Variants in ARMCX2 observed in about 807,000 individuals in gnomAD.
The protein encoded by ARMCX2 is armadillo repeat containing X-linked 2, also known as armadillo repeat-containing X-linked protein 2.
ARMCX2 carries 2 observed loss-of-function variants against 17.0 expected under a neutral mutation model. The ratio of observed to expected loss-of-function variants is 0.12; its 90% confidence interval spans 0.05 to 0.37. ARMCX2 has a LOEUF of 0.37. Ranked by LOEUF, ARMCX2 falls within the 10% of genes least tolerant of loss-of-function variation. The pLI, the probability that ARMCX2 is intolerant of heterozygous loss-of-function variation, is 1.00. For synonymous variants in ARMCX2, 182 were observed against 195.2 expected (o/e 0.93, Z 0.57); for missense variants, 408 against 497.7 (o/e 0.82, Z 1.72).
intron 3 of ARMCX2, among the ~76,000 whole-genome samples, chrX:101,658,864 G>A (rs1206368569): frequency 5.4e-5 from 6 of 111,126 alleles, no homozygotes; most frequent in Middle Eastern, 4.3e-3. Context: ...CGGTATGGGG[G>A]ACTCCTGCCA....
rs1336572327 is a variant in ARMCX2 at position 101,657,648 on chromosome X, GATGCC to G, written c.-65_-61del. ...GGAACTGGATTGCTTAAGGTTAAGG[GATGCC>G]TGCTCGTCCGGGTGAGGCTCTTCAG... On this transcript the variant is annotated 5_prime_UTR_variant, in exon 6 of 6. Transcript: ENST00000356824. The G allele has an allele frequency of 3.7e-6, 4 of 1,094,466 alleles. No homozygotes were observed. The highest frequency in any genetic ancestry group is 5.0e-6 in the Non-Finnish European group (4 of 806,064). The allele number at this position is 1,094,466 out of a possible 1,213,427, so 90.2% of individuals were successfully genotyped here. A position where few individuals can be genotyped will look rare whatever the true frequency, so the allele number is the denominator to read the frequency against.
chrX:101,657,762 G>T (rs937623134), intron 5 of ARMCX2, 47 bp from the exon 6 acceptor site: 4 of 450,750 alleles, frequency 8.9e-6, no homozygotes, highest in African/African-American at 2.4e-5. Flanking sequence ...GGCTCACTTC[G>T]TGTCTAACCA....
At position 101,657,071 on chromosome X, in the gene ARMCX2, G is replaced by T; in HGVS notation, c.518C>A (p.Ser173Tyr). The change falls in exon 6 of 6, where the codon TCC (serine) becomes TAC (tyrosine). Residue 173 changes from serine (S) to tyrosine (Y), a missense_variant. By Grantham distance (144) the Ser-to-Tyr change is moderately radical (BLOSUM62 -2). Around this residue, in one of 2 missense-constraint regions of ARMCX2, gnomAD observed 307 missense variants for 326.8 expected, o/e 0.94. Coordinates refer to ENST00000356824, the MANE Select transcript of ARMCX2 (RefSeq NM_177949.4). ...TGTCCCAGGAGGCACCGCTGCCCTG[G>T]AAGTCTCCGCTTCTCTGGGAGCTTC... ...VAEAPREAET[S>Y]RAAVPPGTVV... 8.3e-7 allele frequency: 1 copy of T among 1,201,811 alleles called. No homozygotes were observed. Among genetic ancestry groups the T allele is most frequent in the Non-Finnish European group, 1.1e-6 (1 of 888,981 alleles).
Position 101,656,511 on chromosome X carries a change from G to A in ARMCX2, c.1078C>T (p.Arg360Cys), listed in dbSNP as rs782417544. 4.1e-6 allele frequency: 5 copies of A among 1,207,581 alleles called. No homozygotes were observed. The highest frequency in any genetic ancestry group is 1.8e-5 in the South Asian group (1 of 56,561). ...SDSDSEPETQ[R>C]RGRGRRPVAM... Reference sequence around the variant, plus strand: ...ACGGGTCTTCTTCCCCTCCCTCTGCGCTGGGTCTCGGGCTCAGAGTCTGAA... The same window carrying A: ...ACGGGTCTTCTTCCCCTCCCTCTGCACTGGGTCTCGGGCTCAGAGTCTGAA... The change falls in exon 6 of 6, where the codon CGC (arginine) becomes TGC (cysteine). Residue 360 changes from arginine (R) to cysteine (C), a missense_variant. Around this residue, in one of 2 missense-constraint regions of ARMCX2, gnomAD observed 307 missense variants for 326.8 expected, o/e 0.94. Coordinates refer to ENST00000356824, the MANE Select transcript of ARMCX2 (RefSeq NM_177949.4).
Position 101,657,089 on chromosome X carries a change from G to T in ARMCX2, c.500C>A (p.Pro167His). Residue 167 changes from proline to histidine, a missense_variant, in exon 6 of 6, where the codon CCC (proline) becomes CAC (histidine). Pro to His is a moderately conservative substitution (Grantham distance 77, BLOSUM62 -2). This residue lies in a region of ARMCX2 where 307 missense variants were observed against 326.8 expected (regional missense o/e 0.94). Coordinates refer to ENST00000356824, the MANE Select transcript of ARMCX2 (RefSeq NM_177949.4). The part of the protein sequence containing the change: ...MAGAPKVAEA[P>H]REAETSRAAV... ...TGCCCTGGAAGTCTCCGCTTCTCTG[G>T]GAGCTTCTGCCACTTTGGGAGCCCC... The T allele has an allele frequency of 8.3e-7, 1 of 1,198,158 alleles. No homozygotes were observed. Among genetic ancestry groups the T allele is most frequent in the South Asian group, 1.8e-5 (1 of 55,614 alleles).
rs1556069624 is a variant in ARMCX2 at position 101,657,403 on chromosome X, T to C, written c.186A>G (p.Thr62=). ...RARAGLRAGF[T]IDLGSGFSPP... Reference sequence around the variant, plus strand: ...GACTGAATCCTGACCCAAGGTCGATTGTGAATCCGGCTCTTAGCCCAGCTC... The same window carrying C: ...GACTGAATCCTGACCCAAGGTCGATCGTGAATCCGGCTCTTAGCCCAGCTC... Residue 62 remains threonine, a synonymous_variant, in exon 6 of 6, where the codon ACA becomes ACG. Coordinates refer to ENST00000356824, the MANE Select transcript of ARMCX2 (RefSeq NM_177949.4). 8.3e-7 allele frequency: 1 copy of C among 1,210,890 alleles called. No homozygotes were observed. Among genetic ancestry groups the C allele is most frequent in the South Asian group, 1.8e-5 (1 of 56,888 alleles).
In ARMCX2 at chrX:101,657,602, T is replaced by G. The variant is rs2147395002; in HGVS notation, c.-14A>C. 1 of 1,194,565 alleles carries G rather than the reference T, an allele frequency of 8.4e-7. No homozygotes were observed. Among genetic ancestry groups the G allele is most frequent in the African/African-American group, 1.8e-5 (1 of 56,941 alleles). On this transcript the variant is annotated 5_prime_UTR_variant, in exon 6 of 6. Transcript: ENST00000356824. Reference sequence around the variant, plus strand: ...AACGCGGCTCATGGTGCAGCTGGGGTTATTCACTGATCCAGGGCGTGGAAC... The same window carrying G: ...AACGCGGCTCATGGTGCAGCTGGGGGTATTCACTGATCCAGGGCGTGGAAC...
intron 5 of ARMCX2, 130 bp downstream of exon 5, chrX:101,657,943 G>A (rs1280719605): frequency 1.0e-5 from 2 of 190,717 alleles, no homozygotes; most frequent in East Asian, 1.0e-4. Context: ...CTAAATGGAA[G>A]GACGAGAGGC....
chrX:101,656,516 G>A lies in ARMCX2; in HGVS notation c.1073C>T (p.Thr358Ile), dbSNP rs782001571. Residue 358 changes from threonine to isoleucine, a missense_variant, in exon 6 of 6, where the codon ACC (threonine) becomes ATC (isoleucine). Coordinates refer to ENST00000356824, the MANE Select transcript of ARMCX2 (RefSeq NM_177949.4). ...TESDSDSEPE[T>I]QRRGRGRRPV... ...TCTTCTTCCCCTCCCTCTGCGCTGG[G>A]TCTCGGGCTCAGAGTCTGAATCTGA... The A allele has an allele frequency of 2.5e-6, 3 of 1,210,302 alleles. No homozygotes were observed. In the Admixed American group the frequency reaches 6.5e-5, roughly 26 times the overall value.
At chrX:101,657,771 C>G in intron 5 of ARMCX2, 56 bp from the exon 6 acceptor site, 1 of 438,107 alleles carries the variant, frequency 2.3e-6, no homozygotes, top group Non-Finnish European at 4.0e-6. Flanking sequence ...CGTGTCTAAC[C>G]AGTTCTACTT....
At position 101,657,108 on chromosome X, in the gene ARMCX2, G is replaced by T; in HGVS notation, c.481C>A (p.Pro161Thr). ...TCTCTGGGAGCTTCTGCCACTTTGGGAGCCCCTGCCATTGCAGGGGCTTCT... is the reference window on the plus strand; with the variant it reads ...TCTCTGGGAGCTTCTGCCACTTTGGTAGCCCCTGCCATTGCAGGGGCTTCT... ...AAEAPAMAGA[P>T]KVAEAPREAE... Residue 161 changes from proline (P) to threonine (T), a missense_variant, in exon 6 of 6, where the codon CCC becomes ACC. By Grantham distance (38) the Pro-to-Thr change is conservative. Around this residue, in one of 2 missense-constraint regions of ARMCX2, gnomAD observed 307 missense variants for 326.8 expected, o/e 0.94. Transcript: ENST00000356824. The T allele has an allele frequency of 8.4e-7, 1 of 1,194,295 alleles. No homozygotes were observed. Among genetic ancestry groups the T allele is most frequent in the Non-Finnish European group, 1.1e-6 (1 of 886,999 alleles).
Position 101,656,665 on chromosome X carries a change from C to T in ARMCX2, c.924G>A (p.Gly308=). 2.5e-6 allele frequency: 3 copies of T among 1,210,943 alleles called. No individual in the cohort carries two copies. Among genetic ancestry groups the T allele is most frequent in the Admixed American group, 2.2e-5 (1 of 46,004 alleles). The part of the protein sequence containing the change: ...KKSKVEVDEL[G]MGFRPGDGAA... ...CCCCATCTCCAGGACGGAAGCCCAT[C>T]CCCAGTTCGTCTACTTCAACTTTGC... Residue 308 remains glycine (G), a synonymous_variant, in exon 6 of 6, where the codon GGG becomes GGA. Coordinates refer to ENST00000356824, the MANE Select transcript of ARMCX2 (RefSeq NM_177949.4).
Position 101,657,619 on chromosome X carries a change from G to A in ARMCX2, c.-31C>T. The A allele has an allele frequency of 8.6e-7, 1 of 1,168,208 alleles. No individual in the cohort carries two copies. Among genetic ancestry groups the A allele is most frequent in the Non-Finnish European group, 1.2e-6 (1 of 862,892 alleles). On this transcript the variant is annotated 5_prime_UTR_variant, in exon 6 of 6. Transcript: ENST00000356824. ...AGCTGGGGTTATTCACTGATCCAGGGCGTGGAACTGGATTGCTTAAGGTTA... is the reference window on the plus strand; with the variant it reads ...AGCTGGGGTTATTCACTGATCCAGGACGTGGAACTGGATTGCTTAAGGTTA...
chrX:101,657,223 C>T lies in ARMCX2; in HGVS notation c.366G>A (p.Gly122=). 8.3e-7 allele frequency: 1 copy of T among 1,199,696 alleles called. No individual in the cohort carries two copies. The change falls in exon 6 of 6, where the codon GGG becomes GGA. Residue 122 remains glycine (G), a synonymous_variant. Coordinates refer to ENST00000356824, the MANE Select transcript of ARMCX2 (RefSeq NM_177949.4). The part of the protein sequence containing the change: ...GSQAQEADGA[G]VGPKAESVVG... ...CTACTGATTCGGCCTTAGGCCCAAC[C>T]CCGGCTCCATCTGCCTCTTGGGCCT...
intron 5 of ARMCX2, 60 bp from the exon 6 acceptor site, chrX:101,657,775 T>C: frequency 2.3e-6 from 1 of 426,798 alleles, no homozygotes. Flanking sequence ...TCTAACCAGT[T>C]CTACTTAGAG....
In ARMCX2 at chrX:101,657,606, T is replaced by C; in HGVS notation, c.-18A>G. The C allele has an allele frequency of 8.4e-7, 1 of 1,194,746 alleles. No homozygotes were observed. Among genetic ancestry groups the C allele is most frequent in the Non-Finnish European group, 1.1e-6 (1 of 883,827 alleles). On this transcript the variant is annotated 5_prime_UTR_variant, in exon 6 of 6. Coordinates refer to ENST00000356824, the MANE Select transcript of ARMCX2 (RefSeq NM_177949.4). The stretch of plus-strand genomic sequence containing the variant: ...CGGCTCATGGTGCAGCTGGGGTTAT[T>C]CACTGATCCAGGGCGTGGAACTGGA...
Position 101,656,717 on chromosome X carries a change from T to C in ARMCX2, c.872A>G (p.Asn291Ser), listed in dbSNP as rs1556057730. 1 of 1,211,137 alleles carries C rather than the reference T, an allele frequency of 8.3e-7. No individual in the cohort carries two copies. The change falls in exon 6 of 6, where the codon AAT becomes AGT. Residue 291 changes from asparagine (N) to serine (S), a missense_variant. Asn to Ser is a conservative substitution (Grantham distance 46). Transcript: ENST00000356824. ...TTTCTTGCCCTTGCCCTTGCCCCCA[T>C]TCCGGGACCTGGTTACACCCTTGCC... ...GGGKGVTRSR[N>S]GGKGKGKKSK... is the part of the protein sequence containing the mutation.
intron 5 of ARMCX2, 56 bp from the exon 6 acceptor site, chrX:101,657,771 C>T (rs1936379142): frequency 4.6e-6 from 2 of 436,467 alleles, no homozygotes. Flanking sequence ...CGTGTCTAAC[C>T]AGTTCTACTT....
In ARMCX2 at chrX:101,658,484, C is replaced by T. The variant is rs1556078240; in HGVS notation, c.-221G>A. 2 of 111,989 alleles carry T rather than the reference C, an allele frequency of 1.8e-5. No individual in the cohort carries two copies. The highest frequency in any genetic ancestry group is 3.8e-5 in the Non-Finnish European group (2 of 53,223). 9.2% of individuals were successfully genotyped at this position (111,989 alleles called of 1,213,427 possible). On this transcript the variant is annotated 5_prime_UTR_variant, in exon 4 of 6. Transcript: ENST00000356824. The stretch of plus-strand genomic sequence containing the variant: ...ACCCTCCAAAGATTCAAGGCTGTTT[C>T]TCCTTACTTCAGTTCAGTTAGAGCT...
Sources: gnomAD v4.1 joint callset for allele counts (sites outside exome capture counted in the v4.1 genomes callset) on GRCh38, gnomAD v4.1.1 for gene constraint, gnomAD v4.1.1 regional missense constraint, MANE v1.5 for transcripts, NCBI Gene and HGNC (gene_info 2026-07-23, HGNC 2026-07-21) for gene names.